Variants in N4BP2 observed in about 807,000 individuals in gnomAD.
The protein encoded by N4BP2 is NEDD4-binding protein 2.
A neutral mutation model predicts 152.8 loss-of-function variants in N4BP2; 91 were observed. That is an observed-to-expected ratio of 0.60 (90% confidence interval 0.50 to 0.71). The LOEUF (loss-of-function observed/expected upper bound fraction) is 0.71, where lower values mean the gene tolerates loss of function less well. Ranked by LOEUF, N4BP2 falls within the 30% of genes least tolerant of loss-of-function variation. The pLI, the probability that N4BP2 is intolerant of heterozygous loss-of-function variation, is 0.00. For missense variants in N4BP2, 1,923 were observed against 2,059.1 expected (o/e 0.93, Z 1.28); for synonymous variants, 646 against 705.3 (o/e 0.92, Z 1.33).
At chr4:40,132,520 C>A (rs898918895) in intron 13 of N4BP2, among the ~76,000 whole-genome samples, 2 of 152,116 alleles carry the variant, frequency 1.3e-5, no homozygotes, top group Non-Finnish European at 2.9e-5. Context: ...TAAAACATAA[C>A]CAGTAATTCT....
At chr4:40,174,859 CTG>C in the N4BP2 span, among the ~76,000 whole-genome samples, 1 of 150,488 alleles carries the variant, frequency 6.6e-6, no homozygotes, top group Non-Finnish European at 1.5e-5. Flanking sequence ...AAAAGAAAAA[CTG>C]TGCTATAGAT....
Position 40,122,308 on chromosome 4 carries a change from A to G in N4BP2, c.4197A>G (p.Ser1399=), listed in dbSNP as rs201385898. 280 of 1,546,898 alleles carry G rather than the reference A, an allele frequency of 1.8e-4. No homozygotes were observed. The highest frequency in any genetic ancestry group is 2.3e-4 in the Non-Finnish European group (259 of 1,141,788). The part of the protein sequence containing the change: ...NELFGPVGID[S]GSLTVEDCVV... ...TATTTGGTCCTGTTGGTATTGATTC[A>G]GGTAAGGAAAAAGTAAATGACCATG... Residue 1399 remains serine, a splice_region_variant and synonymous_variant, in exon 9 of 18, where the codon TCA becomes TCG. Coordinates refer to ENST00000261435, the MANE Select transcript of N4BP2 (RefSeq NM_018177.6).
intron 1 of N4BP2, among the ~76,000 whole-genome samples, chr4:40,068,696 A>G (rs1285133790): frequency 2.6e-5 from 4 of 152,098 alleles, no homozygotes; most frequent in African/African-American, 4.8e-5. Flanking sequence ...GCCCTACCAT[A>G]CTGTGTTGAT....
chr4:40,106,249 A>G lies in N4BP2; in HGVS notation c.1374-651A>G, dbSNP rs552343383. Among the ~76,000 whole-genome samples, 311 of 152,336 alleles carry G rather than the reference A, an allele frequency of 2.0e-3. 2 individuals carry two copies. The highest frequency in any genetic ancestry group is 7.1e-3 in the African/African-American group (296 of 41,588). On this transcript the variant is annotated intron_variant, in intron 4 of 17. Transcript: ENST00000261435. The stretch of plus-strand genomic sequence containing the variant: ...CTTAGGTCAGATTTTTTTTGGAATT[A>G]AACTTCTGCTTAGAGTATTTTTAGT...
chr4:40,135,098 C>G (rs1219268780), intron 13 of N4BP2, among the ~76,000 whole-genome samples: 1 of 103,662 alleles, frequency 9.6e-6, no homozygotes, highest in Non-Finnish European at 1.8e-5. Flanking sequence ...TCCCTCCCCC[C>G]TCCCCCCACC....
intron 2 of N4BP2, among the ~76,000 whole-genome samples, chr4:40,092,226 T>C (rs1164387220): frequency 6.6e-6 from 1 of 150,800 alleles, no homozygotes; most frequent in East Asian, 1.9e-4. Context: ...AGGATTAGTA[T>C]TATTTTTTCC....
intron 15 of N4BP2, among the ~76,000 whole-genome samples, chr4:40,143,470 G>T (rs1416292016): frequency 6.6e-6 from 1 of 151,884 alleles, no homozygotes; most frequent in Non-Finnish European, 1.5e-5. Flanking sequence ...CGTGCCACCA[G>T]GCCCAGCTAA....
At chr4:40,172,888 T>C in the N4BP2 span, among the ~76,000 whole-genome samples, 1 of 152,256 alleles carries the variant, frequency 6.6e-6, no homozygotes, top group Admixed American at 6.5e-5. Context: ...TATTACTGTT[T>C]GTTAAATAAA....
intron 4 of N4BP2, among the ~76,000 whole-genome samples, chr4:40,103,486 T>C (rs758696131): frequency 4.6e-5 from 7 of 152,206 alleles, no homozygotes; most frequent in Non-Finnish European, 8.8e-5. Context: ...GATGTAGTAG[T>C]AGAAGAGAGC....
chr4:40,114,871 A>G (rs1717208653), intron 7 of N4BP2, among the ~76,000 whole-genome samples: 1 of 152,144 alleles, frequency 6.6e-6, no homozygotes, highest in South Asian at 2.1e-4. Context: ...ATTTATTAAG[A>G]CTATTAAAGC....
At chr4:40,097,911 G>A (rs1048095874) in intron 3 of N4BP2, among the ~76,000 whole-genome samples, 4 of 152,080 alleles carry the variant, frequency 2.6e-5, no homozygotes, top group African/African-American at 9.7e-5. Flanking sequence ...ATGCATTGTA[G>A]GTTTAGCAGC....
At chr4:40,141,415 C>T (rs1398685310) in intron 14 of N4BP2, among the ~76,000 whole-genome samples, 3 of 150,886 alleles carry the variant, frequency 2.0e-5, no homozygotes, top group South Asian at 2.1e-4. Flanking sequence ...GACGGGGTCG[C>T]GGCCGGGTAG....
the N4BP2 span, among the ~76,000 whole-genome samples, chr4:40,165,232 T>G: frequency 6.6e-6 from 1 of 152,126 alleles, no homozygotes; most frequent in Non-Finnish European, 1.5e-5. Flanking sequence ...GCTCAAATCT[T>G]TTTTTGGAAA....
chr4:40,141,907 G>A (rs977958930), intron 14 of N4BP2, among the ~76,000 whole-genome samples: 1 of 152,226 alleles, frequency 6.6e-6, no homozygotes, highest in Non-Finnish European at 1.5e-5. Flanking sequence ...CCAACACAGC[G>A]AAACCCCGTC....
chr4:40,154,154 T>C (rs1172982347), intron 17 of N4BP2, 38 bp from the exon 18 acceptor site: 1 of 1,500,430 alleles, frequency 6.7e-7, no homozygotes, highest in Non-Finnish European at 9.2e-7. Flanking sequence ...TAATTTGAAA[T>C]TTTCATCTTT....
chr4:40,120,470 T>G lies in N4BP2; in HGVS notation c.2359T>G (p.Phe787Val), dbSNP rs759626671. Residue 787 changes from phenylalanine to valine, a missense_variant, in exon 9 of 18, where the codon TTT (phenylalanine) becomes GTT (valine). Transcript: ENST00000261435. ...EKFPRHELSN[F>V]VGDWPVDKTI... ...GTTCCCAAGACATGAGCTATCAAAT[T>G]TTGTTGGTGACTGGCCAGTTGATAA... is the stretch of plus-strand genomic sequence containing the variant. 2 of 1,613,722 alleles carry G rather than the reference T, an allele frequency of 1.2e-6. No individual in the cohort carries two copies. The highest frequency in any genetic ancestry group is 1.7e-6 in the Non-Finnish European group (2 of 1,179,982).
the N4BP2 span, among the ~76,000 whole-genome samples, chr4:40,169,660 A>T: frequency 4.2e-5 from 6 of 144,060 alleles, no homozygotes; most frequent in Non-Finnish European, 7.7e-5. Flanking sequence ...GCTCATCTTT[A>T]AAAAAAAAAA....
In N4BP2 at chr4:40,121,163, GAACC is replaced by G. The variant is rs1487144718; in HGVS notation, c.3054_3057del (p.Glu1018AspfsTer10). The G allele has an allele frequency of 8.1e-6, 13 of 1,614,134 alleles. No homozygotes were observed. Among genetic ancestry groups the G allele is most frequent in the Non-Finnish European group, 1.0e-5 (12 of 1,180,040 alleles). Reference sequence around the variant, plus strand: ...AGAAGTAGGCATGTGCACCCAGACTGAACCACAGGATTTTGCTCTTTTATGGAAA... The same window carrying G: ...AGAAGTAGGCATGTGCACCCAGACTGACAGGATTTTGCTCTTTTATGGAAA... On this transcript the variant is annotated frameshift_variant, in exon 9 of 18. Coordinates refer to ENST00000261435, the MANE Select transcript of N4BP2 (RefSeq NM_018177.6). LOFTEE classifies it high-confidence loss of function.
the N4BP2 span, among the ~76,000 whole-genome samples, chr4:40,181,475 T>G: frequency 6.6e-6 from 1 of 152,118 alleles, no homozygotes; most frequent in Non-Finnish European, 1.5e-5. Flanking sequence ...AAGATAGAAG[T>G]TGGTTTTTCC....
Sources: allele counts gnomAD v4.1 joint callset (sites outside exome capture counted in the v4.1 genomes callset), GRCh38; gene constraint gnomAD v4.1.1; transcripts MANE v1.5; gene names NCBI Gene and HGNC (gene_info 2026-07-23, HGNC 2026-07-21).